The following ESR1 variants were observed in gnomAD, a reference collection of about 807,000 sequenced individuals.
The protein encoded by ESR1 is estrogen receptor 1, also known as estrogen receptor.
A neutral mutation model predicts 52.7 loss-of-function variants in ESR1; 12 were observed. That is an observed-to-expected ratio of 0.23 (90% CI 0.15 to 0.37). The LOEUF (loss-of-function observed/expected upper bound fraction) is 0.37. ESR1 is among the 10% of genes least tolerant of loss of function. The pLI is 1.00. For missense variants in ESR1, 584 were observed against 779.7 expected (o/e 0.75, Z 2.99); for synonymous variants, 305 against 316.8 (o/e 0.96, Z 0.39).
intron 6 of ESR1, among the ~76,000 whole-genome samples, chr6:152,063,797 T>A (rs2047742807): frequency 6.6e-6 from 1 of 152,170 alleles, no homozygotes; most frequent in South Asian, 2.1e-4. Flanking sequence ...GATGCCTTTC[T>A]GACACCTGGG....
chr6:151,897,356 G>T (rs1795700102), intron 3 of ESR1, among the ~76,000 whole-genome samples: 1 of 152,138 alleles, frequency 6.6e-6, no homozygotes, highest in East Asian at 1.9e-4. Context: ...ATACATTTGG[G>T]AGTTCCAGTG....
chr6:152,001,744 G>C (rs545582751), intron 4 of ESR1, among the ~76,000 whole-genome samples: 2 of 152,078 alleles, frequency 1.3e-5, no homozygotes, highest in East Asian at 3.9e-4. Flanking sequence ...AGGTGGGGTG[G>C]AAGACACTGA....
intron 6 of ESR1, among the ~76,000 whole-genome samples, chr6:152,078,960 C>T (rs1026577267): frequency 3.9e-5 from 6 of 152,080 alleles, no homozygotes; most frequent in South Asian, 2.1e-4. Context: ...TAGCTCACAG[C>T]GTAAACAAAG....
At chr6:151,744,561 G>A (rs1783343791) in intron 2 of ESR1, among the ~76,000 whole-genome samples, 1 of 152,250 alleles carries the variant, frequency 6.6e-6, no homozygotes, top group South Asian at 2.1e-4. Flanking sequence ...AAAATTTGAT[G>A]ATTTTAAATT....
At chr6:151,941,609 C>T (rs1464418225) in intron 3 of ESR1, among the ~76,000 whole-genome samples, 4 of 151,098 alleles carry the variant, frequency 2.6e-5, no homozygotes, top group South Asian at 2.1e-4. Flanking sequence ...AGCTCAGCAT[C>T]GGAGGGGCTA....
At chr6:151,930,786 A>G (rs1403439639) in intron 3 of ESR1, among the ~76,000 whole-genome samples, 1 of 152,104 alleles carries the variant, frequency 6.6e-6, no homozygotes, top group East Asian at 1.9e-4. Context: ...CTTTTGAAGG[A>G]TAATTTCCCT....
chr6:152,032,926 C>G (rs954153556), intron 5 of ESR1, among the ~76,000 whole-genome samples: 1 of 152,206 alleles, frequency 6.6e-6, no homozygotes, highest in Non-Finnish European at 1.5e-5. Context: ...CAGCATGGTA[C>G]TGGTACCAAA....
Position 151,963,052 on chromosome 6 carries a change from A to T in ESR1, c.1096+18544A>T, listed in dbSNP as rs192888172. Among the ~76,000 whole-genome samples the T allele has an allele frequency of 7.8e-4, 118 of 152,188 alleles. 1 individual carries two copies. Among genetic ancestry groups the T allele is most frequent in the Admixed American group, 7.5e-3 (114 of 15,292 alleles). ...AAACACTTTTTCTGGTCCCCAAATT[A>T]TCTCTTCTCTCTAGACTTCCTCCAT... On this transcript the variant is annotated intron_variant, in intron 4 of 7. Coordinates refer to ENST00000206249, the MANE Select transcript of ESR1 (RefSeq NM_000125.4).
chr6:152,014,692 C>T (rs558245124), intron 5 of ESR1, among the ~76,000 whole-genome samples: 10 of 152,192 alleles, frequency 6.6e-5, no homozygotes, highest in Admixed American at 1.3e-4. Context: ...ATCCCCATTC[C>T]TCTGCATGGC....
chr6:151,673,786 G>A lies in ESR1; in HGVS notation n.73+17023G>A, dbSNP rs897177795. On this transcript the variant is annotated intron_variant and non_coding_transcript_variant, in intron 1 of 2. Coordinates refer to the ESR1 transcript ENST00000473497. Reference sequence around the variant, plus strand: ...ATTGCCAGCTACTCAGGAGGATGAGGTGGGAGGATCACTTGAGCCCAGGAA... The same window carrying A: ...ATTGCCAGCTACTCAGGAGGATGAGATGGGAGGATCACTTGAGCCCAGGAA... Among the ~76,000 whole-genome samples the A allele has an allele frequency of 2.0e-5, 3 of 152,092 alleles. 1 individual carries two copies. Among genetic ancestry groups the A allele is most frequent in the African/African-American group, 7.2e-5 (3 of 41,392 alleles).
upstream of ESR1, among the ~76,000 whole-genome samples, chr6:151,686,088 T>TTTTTTA (rs142764831): frequency 3.1e-3 from 439 of 143,000 alleles, 10 homozygotes; most frequent in East Asian, 0.057. Context: ...TTTTTTTTTT[T>TTTTTTA]ATTTAGAGAC....
At chr6:151,657,601 C>T (rs962011077) in intron 1 of ESR1, among the ~76,000 whole-genome samples, 8 of 152,222 alleles carry the variant, frequency 5.3e-5, no homozygotes, top group African/African-American at 1.9e-4. Context: ...TTCCATATCA[C>T]TGGTGAACTT....
At chr6:151,870,437 A>G (rs1790738337) in intron 2 of ESR1, among the ~76,000 whole-genome samples, 1 of 152,140 alleles carries the variant, frequency 6.6e-6, no homozygotes. Context: ...AGTTTAAAAT[A>G]TAACTTAATA....
chr6:151,853,942 A>G (rs1787351427), intron 2 of ESR1, among the ~76,000 whole-genome samples: 1 of 152,188 alleles, frequency 6.6e-6, no homozygotes, highest in Non-Finnish European at 1.5e-5. Flanking sequence ...GATAGGTTTT[A>G]ATGGGCACAT....
chr6:151,699,467 A>G (rs534267735), intron 1 of ESR1, among the ~76,000 whole-genome samples: 1 of 152,304 alleles, frequency 6.6e-6, no homozygotes, highest in Admixed American at 6.5e-5. Flanking sequence ...TCAGCGGAGT[A>G]GTATTTTCTG....
At chr6:152,055,986 A>G (rs191728625) in intron 5 of ESR1, among the ~76,000 whole-genome samples, 15 of 152,334 alleles carry the variant, frequency 9.8e-5, no homozygotes, top group African/African-American at 3.6e-4. Flanking sequence ...TTCTGTCTGT[A>G]TACTCATTCA....
intron 4 of ESR1, among the ~76,000 whole-genome samples, chr6:151,966,430 C>T (rs2038280808): frequency 6.6e-6 from 1 of 152,074 alleles, no homozygotes; most frequent in South Asian, 2.1e-4. Context: ...TATTCGGGCT[C>T]TGTGAAATTT....
chr6:152,069,915 T>C (rs1185179735), intron 6 of ESR1, among the ~76,000 whole-genome samples: 1 of 137,656 alleles, frequency 7.3e-6, no homozygotes, highest in Non-Finnish European at 1.5e-5. Flanking sequence ...TATTCAAAGC[T>C]TATGCTTTTG....
chr6:151,984,561 G>A (rs1383243701), intron 4 of ESR1, among the ~76,000 whole-genome samples: 1 of 152,120 alleles, frequency 6.6e-6, no homozygotes. Flanking sequence ...CTGTGTCTGA[G>A]TAGACAGTCC....
Sources: gnomAD v4.1 joint callset for allele counts (sites outside exome capture counted in the v4.1 genomes callset) on GRCh38, gnomAD v4.1.1 for gene constraint, MANE v1.5 for transcripts, NCBI Gene and HGNC (gene_info 2026-07-23, HGNC 2026-07-21) for gene names.